The following SYNPR variants were observed in gnomAD, a reference collection of about 807,000 sequenced individuals.
SYNPR encodes the protein synaptoporin.
A neutral mutation model predicts 32.9 loss-of-function variants in SYNPR; 23 were observed. The observed-to-expected ratio is 0.70, with a 90% CI of 0.50 to 0.99. SYNPR has a LOEUF of 0.99. Among genes scored for constraint, SYNPR ranks in the 50% least tolerant of loss-of-function variants. The pLI is 0.00. For missense variants in SYNPR, 318 were observed against 349.3 expected, an observed-to-expected ratio of 0.91 and a Z score of 0.71; for synonymous variants, 146 against 135.9, an observed-to-expected ratio of 1.07 and a Z score of -0.52.
intron 3 of SYNPR, among the ~76,000 whole-genome samples, chr3:63,511,775 AAAAG>A (rs1380217694): frequency 1.3e-5 from 2 of 152,174 alleles, no homozygotes; most frequent in East Asian, 3.9e-4. Context: ...TAAAAGCACC[AAAAG>A]AAAGAGAAAC....
intron 3 of SYNPR, among the ~76,000 whole-genome samples, chr3:63,515,687 CTG>C (rs895007614): frequency 2.0e-5 from 3 of 151,702 alleles, no homozygotes; most frequent in African/African-American, 7.3e-5. Flanking sequence ...TTTAATGACT[CTG>C]TTTTTATTAC....
At position 63,352,233 on chromosome 3, in the gene SYNPR, C is replaced by CT. The variant is rs1352009023; in HGVS notation, c.84+73500dup. ...ACTTGAAGGCTTGCAAGGAGCTGTT[C>CT]TTTTTTTTTCCTGTACAATTTTAGA... On this transcript the variant is annotated intron_variant, in intron 2 of 5. Transcript: ENST00000478300. Among the ~76,000 whole-genome samples the CT allele has an allele frequency of 1.7e-3, 254 of 151,568 alleles. 1 individual carries two copies. The highest frequency in any genetic ancestry group is 5.6e-3 in the African/African-American group (233 of 41,324).
At chr3:63,432,656 T>G (rs1408219533) in intron 2 of SYNPR, among the ~76,000 whole-genome samples, 1 of 152,174 alleles carries the variant, frequency 6.6e-6, no homozygotes, top group African/African-American at 2.4e-5. Context: ...CAGACCCAGA[T>G]AAGAAAGAGG....
intron 2 of SYNPR, among the ~76,000 whole-genome samples, chr3:63,305,537 T>C (rs1048695455): frequency 6.6e-6 from 1 of 152,038 alleles, no homozygotes; most frequent in Non-Finnish European, 1.5e-5. Flanking sequence ...TACAAAAATT[T>C]TATGTTTTCT....
Position 63,466,680 on chromosome 3 carries a change from G to A in SYNPR, c.85-14152G>A, listed in dbSNP as rs1700687975. ...TATTTCTTGCAGTTCTGAACACTGGGAATCCAAGCTGAAGGTGCTGGCAAG... is the reference window on the plus strand; with the variant it reads ...TATTTCTTGCAGTTCTGAACACTGGAAATCCAAGCTGAAGGTGCTGGCAAG... On this transcript the variant is annotated intron_variant, in intron 2 of 5. Transcript: ENST00000478300. 5.2e-5 allele frequency among the ~76,000 whole-genome samples: 7 copies of A among 135,648 alleles called. No homozygotes were observed. In the South Asian group the frequency reaches 1.3e-3, roughly 25 times the overall value. 89.0% of individuals were successfully genotyped at this position (135,648 alleles called of 152,430 possible).
chr3:63,415,498 T>G (rs1379884110), intron 2 of SYNPR, among the ~76,000 whole-genome samples: 3 of 152,214 alleles, frequency 2.0e-5, no homozygotes, highest in African/African-American at 7.2e-5. Context: ...ACAGTTTTTT[T>G]CTTTAAAGGG....
chr3:63,595,907 A>ATATATATATAATTT (rs1559546580), intron 4 of SYNPR, among the ~76,000 whole-genome samples: 21 of 82,990 alleles, frequency 2.5e-4, no homozygotes, highest in African/African-American at 9.7e-4. Flanking sequence ...ATATATAGTT[A>ATATATATATAATTT]TATATATATA....
chr3:63,313,603 T>C (rs752201847), intron 2 of SYNPR, among the ~76,000 whole-genome samples: 2 of 145,422 alleles, frequency 1.4e-5, no homozygotes, highest in Non-Finnish European at 3.0e-5. Flanking sequence ...TATATGTGTG[T>C]GTGTGTATAC....
intron 2 of SYNPR, among the ~76,000 whole-genome samples, chr3:63,462,507 A>G (rs1052453746): frequency 6.6e-6 from 1 of 152,192 alleles, no homozygotes; most frequent in African/African-American, 2.4e-5. Flanking sequence ...AGAGCCATAG[A>G]TCAAATAAAA....
Position 63,607,764 on chromosome 3 carries a change from A to G in SYNPR, c.409-1361A>G, listed in dbSNP as rs185991200. On this transcript the variant is annotated intron_variant, in intron 4 of 5. Transcript: ENST00000478300. ...GCTACTCTTAGTAGTGAGACCCTCCAGAACATTCTCCACAAAGATCACACC... is the reference window on the plus strand; with the variant it reads ...GCTACTCTTAGTAGTGAGACCCTCCGGAACATTCTCCACAAAGATCACACC... Among the ~76,000 whole-genome samples the G allele has an allele frequency of 2.3e-3, 356 of 152,310 alleles. 5 individuals carry two copies. The highest frequency in any genetic ancestry group is 2.0e-3 in the Non-Finnish European group (134 of 68,020).
chr3:63,589,086 T>A (rs1426556142), intron 4 of SYNPR, among the ~76,000 whole-genome samples: 1 of 151,950 alleles, frequency 6.6e-6, no homozygotes, highest in African/African-American at 2.4e-5. Context: ...AGTCCAACAC[T>A]CCCTCTAGAG....
chr3:63,601,316 C>T (rs1424220155), intron 4 of SYNPR, among the ~76,000 whole-genome samples: 1 of 151,670 alleles, frequency 6.6e-6, no homozygotes, highest in Non-Finnish European at 1.5e-5. Context: ...AGGTTGCTGT[C>T]TGAAACCCTT....
At chr3:63,472,924 G>C (rs780220271) in intron 2 of SYNPR, among the ~76,000 whole-genome samples, 2 of 152,146 alleles carry the variant, frequency 1.3e-5, no homozygotes, top group Non-Finnish European at 2.9e-5. Context: ...TTTGTCATCA[G>C]AGCATGAAAG....
intron 3 of SYNPR, among the ~76,000 whole-genome samples, chr3:63,500,937 C>T (rs138445326): frequency 1.3e-5 from 2 of 152,252 alleles, no homozygotes; most frequent in African/African-American, 4.8e-5. Context: ...AGTTATTAAT[C>T]TCTCTGAACC....
chr3:63,517,777 G>A (rs1469481807), intron 3 of SYNPR, among the ~76,000 whole-genome samples: 1 of 152,146 alleles, frequency 6.6e-6, no homozygotes, highest in East Asian at 1.9e-4. Flanking sequence ...GGTCAGAAGG[G>A]AGAGGCTATA....
the SYNPR span, among the ~76,000 whole-genome samples, chr3:63,219,047 A>G: frequency 3.3e-5 from 5 of 152,364 alleles, no homozygotes; most frequent in East Asian, 9.6e-4. Flanking sequence ...AAATAACCAA[A>G]TAAGATATTT....
At chr3:63,295,988 T>C (rs2086788955) in intron 2 of SYNPR, among the ~76,000 whole-genome samples, 2 of 152,212 alleles carry the variant, frequency 1.3e-5, no homozygotes, top group Admixed American at 6.5e-5. Context: ...CTGGGTAGCA[T>C]GCACAAGGCC....
intron 2 of SYNPR, among the ~76,000 whole-genome samples, chr3:63,333,302 G>C (rs1207246133): frequency 2.6e-5 from 4 of 151,136 alleles, no homozygotes; most frequent in Non-Finnish European, 4.4e-5. Flanking sequence ...TCCCTCTCTG[G>C]GGTCATCTCC....
rs17069034 is a variant in SYNPR at position 63,547,825 on chromosome 3, G to C, written c.210-8718G>C. On this transcript the variant is annotated intron_variant, in intron 3 of 5. Coordinates refer to ENST00000478300, the MANE Select transcript of SYNPR (RefSeq NM_001130003.2). ...CGGCCCTACTTCAAAAAGTCTCCTTGCTCCTAAAATTAACATGCAATAACT... is the reference window on the plus strand; with the variant it reads ...CGGCCCTACTTCAAAAAGTCTCCTTCCTCCTAAAATTAACATGCAATAACT... Among the ~76,000 whole-genome samples the C allele has an allele frequency of 1.5e-4, 23 of 152,234 alleles. 1 individual carries two copies. In the East Asian group the frequency reaches 4.4e-3, roughly 29 times the overall value.
Sources: allele counts gnomAD v4.1 joint callset (sites outside exome capture counted in the v4.1 genomes callset), GRCh38; gene constraint gnomAD v4.1.1; transcripts MANE v1.5; gene names NCBI Gene and HGNC (gene_info 2026-07-23, HGNC 2026-07-21).